Variants in CCSER2 observed in about 807,000 individuals in gnomAD.
CCSER2 encodes the protein serine-rich coiled-coil domain-containing protein 2.
CCSER2 carries 46 observed loss-of-function variants against 92.3 expected under a neutral mutation model. The ratio of observed to expected loss-of-function variants is 0.50; its 90% confidence interval spans 0.39 to 0.64. The LOEUF (loss-of-function observed/expected upper bound fraction) is 0.64, where lower values mean the gene tolerates loss of function less well. CCSER2 is among the 30% of genes least tolerant of loss of function. The probability of loss-of-function intolerance (pLI) is 0.00; values close to 1 mark genes in which losing one functional copy is unlikely to be tolerated. For synonymous variants in CCSER2, 433 were observed against 431.4 expected (o/e 1.00, Z -0.04); for missense variants, 1,244 against 1,238.9 (o/e 1.00, Z -0.06).
intron 9 of CCSER2, among the ~76,000 whole-genome samples, chr10:84,488,183 A>T (rs1264311517): frequency 6.6e-6 from 1 of 152,106 alleles, no homozygotes; most frequent in Non-Finnish European, 1.5e-5. Context: ...TTCATCAGGG[A>T]TATTGGTCTA....
At chr10:84,464,114 C>T in intron 7 of CCSER2, 98 bp downstream of exon 7, 2 of 611,812 alleles carry the variant, frequency 3.3e-6, no homozygotes, top group East Asian at 3.0e-5. Flanking sequence ...GTATTAATAC[C>T]TAAAGCATCA....
intron 5 of CCSER2, among the ~76,000 whole-genome samples, chr10:84,426,420 A>G (rs1343476021): frequency 6.6e-6 from 1 of 152,186 alleles, no homozygotes; most frequent in Non-Finnish European, 1.5e-5. Flanking sequence ...TAGTCATTCA[A>G]ACCTGGAATC....
chr10:84,454,004 T>C lies in CCSER2; in HGVS notation c.2065-9929T>C, dbSNP rs78314055. On this transcript the variant is annotated intron_variant, in intron 6 of 9. Transcript: ENST00000372088. ...TTGATCAAATCTTATCTTAGTTTTT[T>C]AGAGCTGCCATAACAGATTACCACA... 1.1e-4 allele frequency among the ~76,000 whole-genome samples: 16 copies of C among 152,328 alleles called. No homozygotes were observed. In the East Asian group the frequency reaches 2.3e-3, roughly 22 times the overall value.
intron 7 of CCSER2, among the ~76,000 whole-genome samples, chr10:84,466,022 G>C (rs1170900846): frequency 6.6e-6 from 1 of 152,208 alleles, no homozygotes; most frequent in African/African-American, 2.4e-5. Flanking sequence ...ACAGGCGTGA[G>C]CCACTGTGCC....
At chr10:84,423,546 A>G (rs1166655259) in intron 4 of CCSER2, among the ~76,000 whole-genome samples, 1 of 152,132 alleles carries the variant, frequency 6.6e-6, no homozygotes, top group African/African-American at 2.4e-5. Flanking sequence ...TATTCGCCCG[A>G]TTTGCTTGCT....
intron 3 of CCSER2, among the ~76,000 whole-genome samples, chr10:84,413,141 C>T (rs907199498): frequency 1.1e-4 from 16 of 148,058 alleles, no homozygotes; most frequent in Admixed American, 4.0e-4. Flanking sequence ...TCTGTGTCTC[C>T]ATCTTCTTCA....
At chr10:84,466,374 A>T (rs1265700195) in intron 7 of CCSER2, among the ~76,000 whole-genome samples, 3 of 152,068 alleles carry the variant, frequency 2.0e-5, no homozygotes, top group African/African-American at 7.2e-5. Context: ...TCCCTTAATG[A>T]TCTCTTCCAA....
intron 9 of CCSER2, among the ~76,000 whole-genome samples, chr10:84,492,129 ATT>A (rs1433769058): frequency 6.6e-6 from 1 of 151,854 alleles, no homozygotes; most frequent in Non-Finnish European, 1.5e-5. Flanking sequence ...AATACAAAAT[ATT>A]ATCCAGGCAT....
chr10:84,429,662 G>A (rs77215942), intron 5 of CCSER2, among the ~76,000 whole-genome samples: 6,332 of 133,330 alleles, frequency 0.047, 196 homozygotes, highest in Non-Finnish European at 0.064. Flanking sequence ...TTTTTCTTTG[G>A]CTTTCAACAG....
At chr10:84,344,519 A>G (rs1844375563) in intron 1 of CCSER2, among the ~76,000 whole-genome samples, 1 of 152,160 alleles carries the variant, frequency 6.6e-6, no homozygotes, top group African/African-American at 2.4e-5. Context: ...TGGAAAATCT[A>G]TTTGAGTACT....
intron 7 of CCSER2, among the ~76,000 whole-genome samples, chr10:84,470,168 T>A (rs1313365524): frequency 6.6e-6 from 1 of 152,020 alleles, no homozygotes; most frequent in Non-Finnish European, 1.5e-5. Context: ...AAGTTCTCAA[T>A]GAATGCTAAC....
intron 1 of CCSER2, among the ~76,000 whole-genome samples, chr10:84,354,250 C>CT (rs536114225): frequency 0.54 from 78,084 of 145,822 alleles, 24,239 homozygotes; most frequent in East Asian, 0.74. Context: ...TCTCAAGTTA[C>CT]TTTTTTTTTT....
chr10:84,470,289 C>A, intron 7 of CCSER2, 83 bp from the exon 8 acceptor site: 1 of 779,052 alleles, frequency 1.3e-6, no homozygotes, highest in Non-Finnish European at 1.8e-6. Context: ...ATAGTTTGTT[C>A]ATTACTGTGT....
chr10:84,404,209 G>A (rs778358203), intron 3 of CCSER2, among the ~76,000 whole-genome samples: 79 of 152,138 alleles, frequency 5.2e-4, no homozygotes, highest in Non-Finnish European at 1.0e-3. Context: ...TACACAGGGG[G>A]CTCCATGCCT....
rs1347354549 is a variant in CCSER2, at chr10:84,437,735, C to T, written c.1869-777C>T. Among the ~76,000 whole-genome samples, 15 of 104,418 alleles carry T rather than the reference C, an allele frequency of 1.4e-4. No homozygotes were observed. In the Admixed American group the frequency reaches 1.7e-3, roughly 12 times the overall value. 68.5% of individuals were successfully genotyped at this position (104,418 alleles called of 152,430 possible). A position where few individuals can be genotyped will look rare whatever the true frequency, so the allele number is the denominator to read the frequency against. On this transcript the variant is annotated intron_variant, in intron 5 of 9. Transcript: ENST00000372088. ...GTTTTTTTTTTTTTTTTTTTTGAGA[C>T]GGAGTCTCACTCTGTTGCCCAGCTT...
intron 6 of CCSER2, among the ~76,000 whole-genome samples, chr10:84,445,388 T>C (rs563453896): frequency 2.0e-5 from 3 of 152,302 alleles, no homozygotes; most frequent in Non-Finnish European, 4.4e-5. Flanking sequence ...CTCCTGACCT[T>C]GTGATCCACC....
chr10:84,437,148 CACAGAG>C (rs1272232191), intron 5 of CCSER2, among the ~76,000 whole-genome samples: 192 of 143,170 alleles, frequency 1.3e-3, no homozygotes, highest in African/African-American at 3.0e-3. Flanking sequence ...CACACACACA[CACAGAG>C]AGAGAGAGAG....
chr10:84,387,100 C>G (rs1841256748), intron 3 of CCSER2, among the ~76,000 whole-genome samples: 2 of 152,098 alleles, frequency 1.3e-5, no homozygotes, highest in African/African-American at 4.8e-5. Flanking sequence ...AATCTGTATC[C>G]ATGTTCAGGG....
chr10:84,455,230 T>C, intron 6 of CCSER2: 1 of 184,234 alleles, frequency 5.4e-6, no homozygotes, highest in Non-Finnish European at 1.2e-5. Flanking sequence ...AGGTAATCCC[T>C]CCCACCTTGT....
Sources: allele counts gnomAD v4.1 joint callset (sites outside exome capture counted in the v4.1 genomes callset), GRCh38; gene constraint gnomAD v4.1.1; transcripts MANE v1.5; gene names NCBI Gene and HGNC (gene_info 2026-07-23, HGNC 2026-07-21).